ITPRID2: variants seen among roughly 807,000 people sequenced by gnomAD.
ITPRID2 encodes the protein ITPR interacting domain containing 2.
A neutral mutation model predicts 124.3 loss-of-function variants in ITPRID2; 60 were observed. That is an observed-to-expected ratio of 0.48 (90% CI 0.39 to 0.60). The LOEUF is 0.60. Ranked by LOEUF, ITPRID2 falls within the 20% of genes least tolerant of loss-of-function variation. ITPRID2 has a pLI of 0.00. For synonymous variants in ITPRID2, 521 were observed against 542.9 expected (o/e 0.96, Z 0.56); for missense variants, 1,553 against 1,512.2 (o/e 1.03, Z -0.45).
Position 181,910,977 on chromosome 2 carries a change from G to T in ITPRID2, c.1486+1006G>T, listed in dbSNP as rs1368005836. ...TGTTTGCTTTAGATAGGTAGACAGG[G>T]GATACATTGGAAAAAGCAGCTTGCC... On this transcript the variant is annotated intron_variant, in intron 9 of 17. Coordinates refer to ENST00000431877, the MANE Select transcript of ITPRID2 (RefSeq NM_001130445.3). This position sits in a 1 kb window ranked among gnomAD's most constrained non-coding sequence, Gnocchi z 4.1. Among the ~76,000 whole-genome samples the T allele has an allele frequency of 6.6e-6, 1 of 151,964 alleles. No individual in the cohort carries two copies. Among genetic ancestry groups the T allele is most frequent in the Non-Finnish European group, 1.5e-5 (1 of 67,982 alleles).
chr2:181,894,289 C>T (rs985690821), intron 2 of ITPRID2: 2 of 152,106 alleles, frequency 1.3e-5, no homozygotes, highest in African/African-American at 4.8e-5. Context: ...TGACATTCAC[C>T]AGGGCACAGT....
intron 6 of ITPRID2, among the ~76,000 whole-genome samples, chr2:181,899,975 A>G (rs1014185145): frequency 2.6e-5 from 4 of 152,352 alleles, no homozygotes; most frequent in Admixed American, 1.3e-4. Flanking sequence ...TTTGTCTGAA[A>G]CAAATTGAAA....
At position 181,892,679 on chromosome 2, in the gene ITPRID2, G is replaced by T. The variant is rs770831032; in HGVS notation, c.257+19G>T. ...ACTGCCGGTGAGTGCTCCCTGGTCC[G>T]CCCGCGTCCCGGGGGAGATCCGTGC... On this transcript the variant is annotated intron_variant, in intron 2 of 17. Transcript: ENST00000431877. The surrounding 1 kb of genome is among the most constrained non-coding windows in gnomAD (Gnocchi z 5.2). 2.5e-6 allele frequency: 4 copies of T among 1,613,808 alleles called. No individual in the cohort carries two copies. The highest frequency in any genetic ancestry group is 1.3e-5 in the African/African-American group (1 of 75,028).
Position 181,901,886 on chromosome 2 carries a change from A to G in ITPRID2, c.833A>G (p.Lys278Arg). The stretch of plus-strand genomic sequence containing the variant: ...AGTATGTCCTCAGTGACCTCTAACA[A>G]GGAGACAGACCCACCTCCACCTTTA... ...IGSMSSVTSN[K>R]ETDPPPPLTR... Residue 278 changes from lysine to arginine, a missense_variant, in exon 8 of 18, where the codon AAG (lysine) becomes AGG (arginine). Lys to Arg is a conservative substitution (Grantham distance 26). Transcript: ENST00000431877. 1 of 1,613,938 alleles carries G rather than the reference A, an allele frequency of 6.2e-7. No homozygotes were observed. Among genetic ancestry groups the G allele is most frequent in the South Asian group, 1.1e-5 (1 of 91,074 alleles).
At chr2:181,918,989 T>C in intron 13 of ITPRID2, 107 bp downstream of exon 13, 1 of 1,412,994 alleles carries the variant, frequency 7.1e-7, no homozygotes, top group Non-Finnish European at 9.5e-7. Flanking sequence ...GTGTACCTTG[T>C]ATCTGTTTTG....
chr2:181,895,818 T>C (rs1003108125), intron 2 of ITPRID2, among the ~76,000 whole-genome samples: 1 of 152,042 alleles, frequency 6.6e-6, no homozygotes, highest in African/African-American at 2.4e-5. Context: ...CATGATTAAA[T>C]CATTCCTGCT....
chr2:181,919,111 T>C lies in ITPRID2; in HGVS notation c.2994-185T>C, dbSNP rs143796758. Among the ~76,000 whole-genome samples, 1 of 152,322 alleles carries C rather than the reference T, an allele frequency of 6.6e-6. No homozygotes were observed. The highest frequency in any genetic ancestry group is 1.9e-4 in the East Asian group (1 of 5,186). ...TGCTTTCCCGTGTTTGAGATATTTG[T>C]GAGAGGATAGGGGAAGAAAGACTAA... On this transcript the variant is annotated intron_variant, in intron 13 of 17. Coordinates refer to ENST00000431877, the MANE Select transcript of ITPRID2 (RefSeq NM_001130445.3). This position sits in a 1 kb window ranked among gnomAD's most constrained non-coding sequence, Gnocchi z 4.2.
At chr2:181,900,648 A>G (rs79209485) in intron 6 of ITPRID2, 48 bp from the exon 7 acceptor site, 50,587 of 1,362,620 alleles carry the variant, frequency 0.037, 1,676 homozygotes, top group East Asian at 0.12. Flanking sequence ...TGGACTATCA[A>G]TTTATTTTAT....
chr2:181,901,915 C>T lies in ITPRID2; in HGVS notation c.862C>T (p.Arg288Ter), dbSNP rs769833552. 6 of 1,613,692 alleles carry T rather than the reference C, an allele frequency of 3.7e-6. No homozygotes were observed. Among genetic ancestry groups the T allele is most frequent in the Admixed American group, 3.3e-5 (2 of 59,928 alleles). ...KETDPPPPLT[R>*]SNTANRLMKT... ...GACAGACCCACCTCCACCTTTAACT[C>T]GAAGTAACACTGCAAATCGTTTAAT... Residue 288 changes from arginine (R) to a stop codon, truncating the protein, a stop_gained, in exon 8 of 18, where the codon CGA (arginine) becomes TGA (stop). Transcript: ENST00000431877. LOFTEE classifies it high-confidence loss of function.
At position 181,929,728 on chromosome 2, in the gene ITPRID2, C is replaced by CTTAG; in HGVS notation, c.*182_*185dup. 1 of 1,014,924 alleles carries CTTAG rather than the reference C, an allele frequency of 9.9e-7. No individual in the cohort carries two copies. Among genetic ancestry groups the CTTAG allele is most frequent in the Non-Finnish European group, 1.4e-6 (1 of 711,512 alleles). 62.9% of individuals were successfully genotyped at this position (1,014,924 alleles called of 1,614,324 possible). Reference sequence around the variant, plus strand: ...TATTTTAAAAAGACGTACATAGAAACTTAGGCACTTTGCTATTTCTTTTCT... The same window carrying CTTAG: ...TATTTTAAAAAGACGTACATAGAAACTTAGTTAGGCACTTTGCTATTTCTTTTCT... On this transcript the variant is annotated 3_prime_UTR_variant, in exon 18 of 18. Coordinates refer to ENST00000431877, the MANE Select transcript of ITPRID2 (RefSeq NM_001130445.3).
Position 181,902,575 on chromosome 2 carries a change from A to T in ITPRID2, c.1413+109A>T, listed in dbSNP as rs1692764183. 2.3e-5 allele frequency: 19 copies of T among 821,558 alleles called. No individual in the cohort carries two copies. The highest frequency in any genetic ancestry group is 3.4e-5 in the Non-Finnish European group (19 of 554,310). The allele number at this position is 821,558 out of a possible 1,614,324, so 50.9% of individuals were successfully genotyped here. A position where few individuals can be genotyped will look rare whatever the true frequency, so the allele number is the denominator to read the frequency against. On this transcript the variant is annotated intron_variant, in intron 8 of 17. Coordinates refer to ENST00000431877, the MANE Select transcript of ITPRID2 (RefSeq NM_001130445.3). The surrounding 1 kb of genome is among the most constrained non-coding windows in gnomAD (Gnocchi z 4.4). ...TAATAGATTTATACTAGAAAAATTT[A>T]TTCTAATTTTGACTTTCCAGGTTTA... is the stretch of plus-strand genomic sequence containing the variant.
intron 8 of ITPRID2, 31 bp from the exon 9 acceptor site, chr2:181,909,868 T>G (rs1158436204): frequency 6.4e-7 from 1 of 1,559,782 alleles, no homozygotes. Context: ...TTAGATTCAT[T>G]TGGTTTTAAC....
chr2:181,930,133 C>G lies in ITPRID2; in HGVS notation c.*586C>G, dbSNP rs143739808. On this transcript the variant is annotated 3_prime_UTR_variant, in exon 18 of 18. Transcript: ENST00000431877. ...TACCTACAACTACTTAATGTACTTA[C>G]ACTGTAAGCCTTGTTGCTTTACCCA... 1 of 152,858 alleles carries G rather than the reference C, an allele frequency of 6.5e-6. No homozygotes were observed. The highest frequency in any genetic ancestry group is 1.5e-5 in the Non-Finnish European group (1 of 68,086). 9.5% of individuals were successfully genotyped at this position (152,858 alleles called of 1,614,324 possible).
intron 8 of ITPRID2, among the ~76,000 whole-genome samples, chr2:181,906,057 T>C (rs566711754): frequency 6.6e-6 from 1 of 152,336 alleles, no homozygotes; most frequent in African/African-American, 2.4e-5. Context: ...ATAAATGATA[T>C]TTTTGTGTGT....
intron 17 of ITPRID2, among the ~76,000 whole-genome samples, chr2:181,928,687 G>A (rs1390176575): frequency 6.6e-6 from 1 of 151,320 alleles, no homozygotes; most frequent in Non-Finnish European, 1.5e-5. Context: ...GTGCAGTGGC[G>A]GGATCTCGGC....
chr2:181,916,751 C>T (rs541645683), intron 11 of ITPRID2: 308 of 839,904 alleles, frequency 3.7e-4, no homozygotes, highest in Admixed American at 8.8e-4. Context: ...TTTGTCATTT[C>T]TATTATTAAA....
rs765108098 is a variant in ITPRID2, at chr2:181,901,733, T to A, written c.713-33T>A. ...ATATGTGTATGTATATATATAAATA[T>A]AAACATATCATTAATATTGTTTCTT... On this transcript the variant is annotated intron_variant, in intron 7 of 17. Coordinates refer to ENST00000431877, the MANE Select transcript of ITPRID2 (RefSeq NM_001130445.3). 4 of 1,443,834 alleles carry A rather than the reference T, an allele frequency of 2.8e-6. No individual in the cohort carries two copies. The African/African-American group carries it at 4.3e-5, about 16-fold the overall frequency. The allele number at this position is 1,443,834 out of a possible 1,614,324, so 89.4% of individuals were successfully genotyped here.
chr2:181,902,904 T>C lies in ITPRID2; in HGVS notation c.1413+438T>C, dbSNP rs535078500. Among the ~76,000 whole-genome samples the C allele has an allele frequency of 6.6e-6, 1 of 152,338 alleles. No individual in the cohort carries two copies. Among genetic ancestry groups the C allele is most frequent in the African/African-American group, 2.4e-5 (1 of 41,576 alleles). Reference sequence around the variant, plus strand: ...TTAACATATCTCAGTGGTAAGGATATGTGAAGGCGGCTTTGGGGATAGTTC... The same window carrying C: ...TTAACATATCTCAGTGGTAAGGATACGTGAAGGCGGCTTTGGGGATAGTTC... On this transcript the variant is annotated intron_variant, in intron 8 of 17. Coordinates refer to ENST00000431877, the MANE Select transcript of ITPRID2 (RefSeq NM_001130445.3). The surrounding 1 kb of genome is among the most constrained non-coding windows in gnomAD (Gnocchi z 4.4).
rs1695190246 is a variant in ITPRID2, at chr2:181,930,383, A to C, written c.*836A>C. On this transcript the variant is annotated 3_prime_UTR_variant, in exon 18 of 18. Coordinates refer to ENST00000431877, the MANE Select transcript of ITPRID2 (RefSeq NM_001130445.3). ...GCTGGTGTTTGTTTTTTCAAAATGG[A>C]AGTAATTTAGATTTGTTCTCCTCAT... 6.6e-6 allele frequency: 1 copy of C among 152,618 alleles called. No individual in the cohort carries two copies. The highest frequency in any genetic ancestry group is 1.9e-4 in the East Asian group (1 of 5,180). 9.5% of individuals were successfully genotyped at this position (152,618 alleles called of 1,614,324 possible).
Sources: allele counts gnomAD v4.1 joint callset (sites outside exome capture counted in the v4.1 genomes callset), GRCh38; gene constraint gnomAD v4.1.1; non-coding constraint Gnocchi (gnomAD v3.1); transcripts MANE v1.5; gene names NCBI Gene and HGNC (gene_info 2026-07-23, HGNC 2026-07-21).